The following MYO1E variants were observed in gnomAD, a reference collection of about 807,000 sequenced individuals.
MYO1E encodes the protein myosin IE.
MYO1E carries 68 observed loss-of-function variants against 151.1 expected under a neutral mutation model. That is an observed-to-expected ratio of 0.45 (90% CI 0.37 to 0.55). The LOEUF (loss-of-function observed/expected upper bound fraction) is 0.55. Ranked by LOEUF, MYO1E falls within the 20% of genes least tolerant of loss-of-function variation. MYO1E has a pLI of 0.00. For missense variants in MYO1E, 1,363 were observed against 1,389.3 expected (o/e 0.98, Z 0.30); for synonymous variants, 601 against 501.7 (o/e 1.20, Z -2.64).
At chr15:59,207,655 C>G (rs1413685650) in intron 14 of MYO1E, 1 of 1,614,122 alleles carries the variant, frequency 6.2e-7, no homozygotes, top group African/African-American at 1.3e-5. Flanking sequence ...TGGATGGATC[C>G]TCGGAGAGCA....
At chr15:59,240,635 G>A (rs2080094168) in intron 4 of MYO1E, among the ~76,000 whole-genome samples, 1 of 152,072 alleles carries the variant, frequency 6.6e-6, no homozygotes, top group Admixed American at 6.5e-5. Flanking sequence ...CCTAAAATAA[G>A]TAGGATCCGC....
At chr15:59,273,928 A>G (rs1362579714) in intron 1 of MYO1E, among the ~76,000 whole-genome samples, 1 of 152,184 alleles carries the variant, frequency 6.6e-6, no homozygotes, top group Non-Finnish European at 1.5e-5. Context: ...GGGTATCTAG[A>G]AAGGCCAACT....
intron 1 of MYO1E, among the ~76,000 whole-genome samples, chr15:59,306,558 A>T: frequency 6.6e-6 from 1 of 152,246 alleles, no homozygotes; most frequent in East Asian, 1.9e-4. Flanking sequence ...TAAATGGCAA[A>T]TTGCCATGGG....
intron 18 of MYO1E, among the ~76,000 whole-genome samples, chr15:59,184,446 T>C (rs1170837428): frequency 6.6e-6 from 1 of 152,172 alleles, no homozygotes; most frequent in Non-Finnish European, 1.5e-5. Context: ...CTGCAGCCTC[T>C]GCCTCCCGAG....
intron 1 of MYO1E, among the ~76,000 whole-genome samples, chr15:59,330,479 T>C (rs1199914508): frequency 6.6e-6 from 1 of 152,196 alleles, no homozygotes; most frequent in Non-Finnish European, 1.5e-5. Context: ...AAAAAGTAAA[T>C]ATCCCCAAAT....
intron 15 of MYO1E, among the ~76,000 whole-genome samples, chr15:59,202,714 AAC>A (rs2079809647): frequency 6.6e-6 from 1 of 152,302 alleles, no homozygotes; most frequent in Middle Eastern, 3.4e-3. Flanking sequence ...GACAGAACAT[AAC>A]AGAGGGAGGT....
chr15:59,208,194 T>TA (rs2062197259), intron 14 of MYO1E: 1 of 1,015,458 alleles, frequency 9.8e-7, no homozygotes. Flanking sequence ...AACAGGAAAG[T>TA]AGGTAGAGTG....
chr15:59,286,477 GT>G (rs1241180904), intron 1 of MYO1E, among the ~76,000 whole-genome samples: 1 of 152,178 alleles, frequency 6.6e-6, no homozygotes, highest in Non-Finnish European at 1.5e-5. Flanking sequence ...AGTATAAAGA[GT>G]TGGATTTTAA....
intron 14 of MYO1E, chr15:59,207,000 T>G: frequency 1.2e-6 from 2 of 1,614,002 alleles, no homozygotes; most frequent in Non-Finnish European, 1.7e-6. Flanking sequence ...TGGGAGCGAA[T>G]TTCCTATGCC....
chr15:59,334,295 A>G (rs1047512556), intron 1 of MYO1E, among the ~76,000 whole-genome samples: 1 of 152,308 alleles, frequency 6.6e-6, no homozygotes, highest in Admixed American at 6.5e-5. Context: ...AAATAAATAA[A>G]TAAGTAAAAA....
intron 1 of MYO1E, among the ~76,000 whole-genome samples, chr15:59,320,287 CCAA>C (rs1174709080): frequency 6.6e-6 from 1 of 152,138 alleles, no homozygotes; most frequent in Non-Finnish European, 1.5e-5. Context: ...TATCAAACAA[CCAA>C]CGTCATTTTT....
intron 9 of MYO1E, among the ~76,000 whole-genome samples, chr15:59,218,750 T>A (rs188736852): frequency 6.6e-6 from 1 of 152,286 alleles, no homozygotes; most frequent in Admixed American, 6.5e-5. Context: ...AACAGGAAGA[T>A]ATTACTACTT....
Position 59,153,811 on chromosome 15 carries a change from A to G in MYO1E, c.2879-20T>C. ...GGTATCCTAGAGAGAGGAACAGAGA[A>G]GGAAATAAGGCTCAGATTTTTGGAT... is the stretch of plus-strand genomic sequence containing the variant. On this transcript the variant is annotated intron_variant, in intron 25 of 27. Transcript: ENST00000288235. The G allele has an allele frequency of 6.2e-7, 1 of 1,604,076 alleles. No homozygotes were observed. Among genetic ancestry groups the G allele is most frequent in the Non-Finnish European group, 8.5e-7 (1 of 1,170,834 alleles).
In MYO1E at chr15:59,272,319, T is replaced by C; in HGVS notation, c.134A>G (p.Asp45Gly). 6.2e-7 allele frequency: 1 copy of C among 1,614,136 alleles called. No homozygotes were observed. The highest frequency in any genetic ancestry group is 8.5e-7 in the Non-Finnish European group (1 of 1,179,988). ...IVENLKKRYM[D>G]DYIFTYIGSV... Reference sequence around the variant, plus strand: ...AATAAAGGATACAAAAATGTAGTCATCCATGTATCTCTTCTTCAGATTCTC... The same window carrying C: ...AATAAAGGATACAAAAATGTAGTCACCCATGTATCTCTTCTTCAGATTCTC... The change falls in exon 2 of 28, where the codon GAT (aspartate) becomes GGT (glycine). Residue 45 changes from aspartate to glycine, a missense_variant. Physicochemically the swap from Asp to Gly is moderately conservative, Grantham distance 94. Coordinates refer to ENST00000288235, the MANE Select transcript of MYO1E (RefSeq NM_004998.4).
At chr15:59,286,477 G>C (rs1382137165) in intron 1 of MYO1E, among the ~76,000 whole-genome samples, 2 of 152,178 alleles carry the variant, frequency 1.3e-5, no homozygotes, top group South Asian at 2.1e-4. Context: ...AGTATAAAGA[G>C]TTGGATTTTA....
At chr15:59,304,252 C>T (rs1011273748) in intron 1 of MYO1E, among the ~76,000 whole-genome samples, 1 of 152,090 alleles carries the variant, frequency 6.6e-6, no homozygotes, top group South Asian at 2.1e-4. Context: ...CACAGTGCTG[C>T]GATTACAGGC....
In MYO1E at chr15:59,134,961, T is replaced by G. The variant is rs2079363861; in HGVS notation, c.*2419A>C. The G allele has an allele frequency of 6.6e-6, 1 of 152,240 alleles. No individual in the cohort carries two copies. The highest frequency in any genetic ancestry group is 6.5e-5 in the Admixed American group (1 of 15,292). The allele number at this position is 152,240 out of a possible 1,614,324, so 9.4% of individuals were successfully genotyped here. On this transcript the variant is annotated 3_prime_UTR_variant, in exon 28 of 28. Transcript: ENST00000288235. The stretch of plus-strand genomic sequence containing the variant: ...AGGAAAAAAAGGGAAATGTTATTTA[T>G]CCCAGATTTTTCTGGTAGTCCCCAT...
intron 1 of MYO1E, among the ~76,000 whole-genome samples, chr15:59,303,268 C>A (rs1032536633): frequency 6.6e-6 from 1 of 152,026 alleles, no homozygotes; most frequent in Admixed American, 6.6e-5. Flanking sequence ...AAAAATTGGC[C>A]GGGTGTGGTG....
chr15:59,346,768 T>C (rs1399312238), intron 1 of MYO1E, among the ~76,000 whole-genome samples: 3 of 151,706 alleles, frequency 2.0e-5, no homozygotes, highest in African/African-American at 7.3e-5. Context: ...ACAAATAAAA[T>C]TAGCTGGGCA....
Sources: gnomAD v4.1 joint callset for allele counts (sites outside exome capture counted in the v4.1 genomes callset) on GRCh38, gnomAD v4.1.1 for gene constraint, MANE v1.5 for transcripts, NCBI Gene and HGNC (gene_info 2026-07-23, HGNC 2026-07-21) for gene names.